The following LMF1 variants were observed in gnomAD, a reference collection of about 807,000 sequenced individuals.
The protein encoded by LMF1 is transmembrane protein 112.
In LMF1, 68 loss-of-function variants were observed where a neutral mutation model predicts 60.6. The observed-to-expected ratio is 1.12, with a 90% CI of 0.92 to 1.37. The LOEUF is 1.37. Among genes scored for constraint, LMF1 ranks in the 40% most tolerant of loss-of-function variants. The pLI is 0.00. For missense variants in LMF1, 948 were observed against 767.2 expected, an observed-to-expected ratio of 1.24 and a Z score of -2.78; for synonymous variants, 418 against 324.7, an observed-to-expected ratio of 1.29 and a Z score of -3.09.
Position 854,616 on chromosome 16 carries a change from G to C in LMF1, c.1620C>G (p.Ile540Met), listed in dbSNP as rs747840267. 1 of 1,606,812 alleles carries C rather than the reference G, an allele frequency of 6.2e-7. No individual in the cohort carries two copies. The highest frequency in any genetic ancestry group is 1.3e-5 in the African/African-American group (1 of 74,962). ...GGCTGAGCGGAGGGAAGTAGGCTCCGATCCTCTTCCGCACCCACCACTTGC... is the reference window on the plus strand; with the variant it reads ...GGCTGAGCGGAGGGAAGTAGGCTCCCATCCTCTTCCGCACCCACCACTTGC... ...AEGKWWVRKR[I>M]GAYFPPLSLE... Residue 540 changes from isoleucine (I) to methionine (M), a missense_variant, in exon 11 of 11, where the codon ATC becomes ATG. Ile to Met is a conservative substitution (Grantham distance 10). Coordinates refer to ENST00000262301, the MANE Select transcript of LMF1 (RefSeq NM_022773.4).
Position 893,085 on chromosome 16 carries a change from G to C in LMF1, c.664-13C>G, listed in dbSNP as rs1567195286. On this transcript the variant is annotated splice_polypyrimidine_tract_variant and intron_variant, in intron 4 of 10. Transcript: ENST00000262301. ...TCTTGATCAGGCCCTGCAAGGAAGA[G>C]AGCAGAGGGAGAGTCAGTCACAGGG... 5 of 1,552,214 alleles carry C rather than the reference G, an allele frequency of 3.2e-6. No homozygotes were observed. The Admixed American group carries it at 7.8e-5, about 24-fold the overall frequency.
At chr16:909,756 C>G (rs1474296077) in intron 4 of LMF1, among the ~76,000 whole-genome samples, 1 of 152,242 alleles carries the variant, frequency 6.6e-6, no homozygotes, top group South Asian at 2.1e-4. Flanking sequence ...AGCCGCCCAG[C>G]ACTCGGGCCC....
chr16:920,172 T>G (rs111275773), intron 3 of LMF1, among the ~76,000 whole-genome samples: 1,884 of 146,502 alleles, frequency 0.013, 22 homozygotes, highest in South Asian at 0.1. Flanking sequence ...TAGTCCGTCG[T>G]CCCCCAACAT....
chr16:917,693 A>C (rs1437310799), intron 3 of LMF1, among the ~76,000 whole-genome samples: 1 of 152,190 alleles, frequency 6.6e-6, no homozygotes, highest in Admixed American at 6.5e-5. Flanking sequence ...GGCTGTTTGC[A>C]GGGGTGCTGG....
At chr16:911,773 C>G (rs893948266) in intron 3 of LMF1, among the ~76,000 whole-genome samples, 1 of 152,002 alleles carries the variant, frequency 6.6e-6, no homozygotes, top group Admixed American at 6.6e-5. Context: ...CCCTGTCCTT[C>G]CCAGATGGGC....
At chr16:927,126 C>T (rs1009462432) in intron 3 of LMF1, among the ~76,000 whole-genome samples, 2 of 152,230 alleles carry the variant, frequency 1.3e-5, no homozygotes, top group African/African-American at 4.8e-5. Context: ...CATGGCCAAC[C>T]AAGGGCCGCT....
chr16:895,462 G>A (rs2070636860), intron 4 of LMF1, among the ~76,000 whole-genome samples: 1 of 152,208 alleles, frequency 6.6e-6, no homozygotes, highest in Admixed American at 6.5e-5. Context: ...GGGCGGCCGT[G>A]GGCCCCTAGC....
At chr16:955,459 C>G (rs72769418) in intron 1 of LMF1, among the ~76,000 whole-genome samples, 9,190 of 64,906 alleles carry the variant, frequency 0.14, 818 homozygotes, top group African/African-American at 0.29. Context: ...GCAGCAGACG[C>G]GGTGTGTGCA....
intron 3 of LMF1, among the ~76,000 whole-genome samples, chr16:917,094 G>A (rs1425214367): frequency 1.3e-5 from 2 of 152,230 alleles, no homozygotes; most frequent in African/African-American, 4.8e-5. Context: ...AAAGTCACGT[G>A]TATGGGGCCA....
At chr16:870,927 C>G (rs745574817) in intron 7 of LMF1, 45 bp from the exon 8 acceptor site, 4 of 1,553,626 alleles carry the variant, frequency 2.6e-6, no homozygotes, top group East Asian at 2.4e-5. Context: ...CCAGCTGCCC[C>G]GTGGCCTGTC....
At chr16:869,251 C>T (rs1288581750) in intron 9 of LMF1, 195 bp from the exon 10 acceptor site, 3 of 666,444 alleles carry the variant, frequency 4.5e-6, no homozygotes, top group Non-Finnish European at 8.2e-6. Flanking sequence ...ACCACTCATT[C>T]CCATGTCGGC....
chr16:949,577 GACA>G (rs569043070), intron 2 of LMF1, among the ~76,000 whole-genome samples: 5 of 119,002 alleles, frequency 4.2e-5, no homozygotes, highest in Middle Eastern at 4.0e-3. Flanking sequence ...CAGAGTCAGA[GACA>G]ACGACAGAGT....
intron 4 of LMF1, among the ~76,000 whole-genome samples, chr16:906,490 C>T (rs562270264): frequency 6.8e-4 from 103 of 152,282 alleles, no homozygotes; most frequent in African/African-American, 2.4e-3. Flanking sequence ...CTGTGCTGGA[C>T]GCCTCCTGCC....
chr16:977,601 C>T (rs1420887780), intron 1 of LMF1, among the ~76,000 whole-genome samples: 1 of 152,138 alleles, frequency 6.6e-6, no homozygotes, highest in African/African-American at 2.4e-5. Flanking sequence ...GGTTCACGCC[C>T]GCCGGGCCCT....
chr16:881,413 G>C (rs908490004), intron 5 of LMF1: 2 of 152,294 alleles, frequency 1.3e-5, no homozygotes, highest in Admixed American at 1.3e-4. Context: ...TTCCCGTGCA[G>C]CTGGGACACT....
intron 5 of LMF1, among the ~76,000 whole-genome samples, chr16:892,041 A>G (rs1358284970): frequency 6.6e-6 from 1 of 152,220 alleles, no homozygotes; most frequent in Non-Finnish European, 1.5e-5. Context: ...AAGTCAGGAC[A>G]CAGCCACTAA....
intron 5 of LMF1, among the ~76,000 whole-genome samples, chr16:888,398 G>A (rs17146011): frequency 2.0e-5 from 3 of 152,186 alleles, no homozygotes; most frequent in African/African-American, 7.2e-5. Flanking sequence ...CAACGTTCAG[G>A]GTCCCTGTAC....
intron 5 of LMF1, among the ~76,000 whole-genome samples, chr16:889,678 C>T (rs899710342): frequency 6.6e-6 from 1 of 152,174 alleles, no homozygotes; most frequent in Non-Finnish European, 1.5e-5. Context: ...CTGAGATCCC[C>T]GCCCACAATG....
intron 5 of LMF1, among the ~76,000 whole-genome samples, chr16:887,870 G>C (rs1227537266): frequency 6.6e-6 from 1 of 152,202 alleles, no homozygotes; most frequent in East Asian, 1.9e-4. Context: ...GGAGCCCAGA[G>C]ACGCACCCCC....
Sources: gnomAD v4.1 joint callset for allele counts (sites outside exome capture counted in the v4.1 genomes callset) on GRCh38, gnomAD v4.1.1 for gene constraint, MANE v1.5 for transcripts, NCBI Gene and HGNC (gene_info 2026-07-23, HGNC 2026-07-21) for gene names.